Variants in SLC12A6 observed in about 807,000 individuals in gnomAD.
SLC12A6 encodes K-Cl cotransporter 3.
A neutral mutation model predicts 135.3 loss-of-function variants in SLC12A6; 66 were observed. That is an observed-to-expected ratio of 0.49 (90% confidence interval 0.40 to 0.60). The LOEUF is 0.60. Among genes scored for constraint, SLC12A6 ranks in the 20% least tolerant of loss-of-function variants. The probability of loss-of-function intolerance (pLI) is 0.00; values close to 1 mark genes in which losing one functional copy is unlikely to be tolerated. For missense variants in SLC12A6, 1,058 were observed against 1,452.3 expected, an observed-to-expected ratio of 0.73 and a Z score of 4.41; for synonymous variants, 513 against 508.8, an observed-to-expected ratio of 1.01 and a Z score of -0.11.
At chr15:34,284,256 A>ATTACT (rs1248328322) in intron 2 of SLC12A6, among the ~76,000 whole-genome samples, 1 of 130,348 alleles carries the variant, frequency 7.7e-6, no homozygotes, top group African/African-American at 2.9e-5. Context: ...TAATGTCCAT[A>ATTACT]TTACTTTCTT....
intron 3 of SLC12A6, among the ~76,000 whole-genome samples, chr15:34,262,188 C>A (rs937741160): frequency 3.9e-5 from 6 of 152,158 alleles, no homozygotes; most frequent in African/African-American, 1.4e-4. Context: ...AATTGATTCT[C>A]CACTCTTTAC....
rs563867664 is a variant in SLC12A6 at position 34,320,638 on chromosome 15, T to C, written c.271+15772A>G. Among the ~76,000 whole-genome samples the C allele has an allele frequency of 4.0e-5, 6 of 150,300 alleles. No individual in the cohort carries two copies. The East Asian group carries it at 9.8e-4, about 24-fold the overall frequency. The stretch of plus-strand genomic sequence containing the variant: ...TTTTTTTTTAAAGAAAAAGCTAGGC[T>C]GGGTGAGGTGGCTCATGCCTGTAAT... On this transcript the variant is annotated intron_variant, in intron 2 of 25. Transcript: ENST00000354181.
At chr15:34,334,713 T>C (rs1478055673) in intron 2 of SLC12A6, among the ~76,000 whole-genome samples, 1 of 152,216 alleles carries the variant, frequency 6.6e-6, no homozygotes, top group African/African-American at 2.4e-5. Context: ...GAATGTGTTA[T>C]ATAGAGAACC....
intron 2 of SLC12A6, among the ~76,000 whole-genome samples, chr15:34,291,675 T>C: frequency 6.6e-6 from 1 of 152,266 alleles, no homozygotes; most frequent in East Asian, 1.9e-4. Context: ...GAGGCTCTGT[T>C]CATTTCTTTT....
chr15:34,317,383 G>A (rs1888722995), intron 2 of SLC12A6, among the ~76,000 whole-genome samples: 1 of 152,192 alleles, frequency 6.6e-6, no homozygotes, highest in Non-Finnish European at 1.5e-5. Context: ...ATAAAGGAAA[G>A]TGAGAATCAC....
rs916571899 is a variant in SLC12A6, at chr15:34,257,714, TA to T, written c.617del (p.Leu206TyrfsTer28). On this transcript the variant is annotated frameshift_variant, in exon 6 of 26. Transcript: ENST00000354181. LOFTEE classifies it high-confidence loss of function. The stretch of plus-strand genomic sequence containing the variant: ...CTGTGCCCACCACCCATGTAAGGCG[TA>T]AAAAAAGGATCACTCCAAAAATATT... ...LQNIFGVILF[L>X]RLTWVVGTAG... 3.1e-6 allele frequency: 5 copies of T among 1,610,500 alleles called. No individual in the cohort carries two copies. Among genetic ancestry groups the T allele is most frequent in the African/African-American group, 2.7e-5 (2 of 74,724 alleles).
At position 34,310,569 on chromosome 15, in the gene SLC12A6, GTA is replaced by G. The variant is rs1209055148; in HGVS notation, c.271+25839_271+25840del. 1.0e-2 allele frequency among the ~76,000 whole-genome samples: 692 copies of G among 69,352 alleles called. 119 individuals carry two copies. The highest frequency in any genetic ancestry group is 0.051 in the African/African-American group (560 of 10,900). The allele number at this position is 69,352 out of a possible 152,430, so 45.5% of individuals were successfully genotyped here. Reference sequence around the variant, plus strand: ...CAACTGTGTGTGTGTGTGTGTGTGTGTATGTGTGTGTGTGTGTGTGTGTCCCC... The same window carrying G: ...CAACTGTGTGTGTGTGTGTGTGTGTGTGTGTGTGTGTGTGTGTGTGTCCCC... On this transcript the variant is annotated intron_variant, in intron 2 of 25. Transcript: ENST00000354181.
Position 34,243,996 on chromosome 15 carries a change from G to A in SLC12A6, c.2020C>T (p.Pro674Ser). The change falls in exon 16 of 26, where the codon CCC becomes TCC. Residue 674 changes from proline (P) to serine (S), a missense_variant. Physicochemically the swap from Pro to Ser is moderately conservative, Grantham distance 74. Around this residue, in one of 6 missense-constraint regions of SLC12A6, gnomAD observed 170 missense variants for 297.6 expected, o/e 0.57. Coordinates refer to ENST00000354181, the MANE Select transcript of SLC12A6 (RefSeq NM_001365088.1). ...TACCAATGGTAGTAGCGGAATCGGG[G>A]TCTCCAGTTGGGTGTTCGAAGTAAT... The part of the protein sequence containing the change: ...QTLLRTPNWR[P>S]RFRYYHWALS... The A allele has an allele frequency of 1.9e-6, 3 of 1,599,458 alleles. No individual in the cohort carries two copies. The highest frequency in any genetic ancestry group is 2.6e-6 in the Non-Finnish European group (3 of 1,166,554).
intron 2 of SLC12A6, among the ~76,000 whole-genome samples, chr15:34,308,660 G>T (rs1340588062): frequency 7.3e-6 from 1 of 137,774 alleles, no homozygotes. Context: ...AAACAAACCA[G>T]ATTGTTGGAT....
At chr15:34,283,651 T>TA (rs1444795369) in intron 2 of SLC12A6, among the ~76,000 whole-genome samples, 2 of 151,986 alleles carry the variant, frequency 1.3e-5, no homozygotes, top group Non-Finnish European at 2.9e-5. Context: ...GTTTTTTTTT[T>TA]AAAGAGGGTA....
chr15:34,262,550 C>T (rs186558876), intron 3 of SLC12A6, among the ~76,000 whole-genome samples: 59 of 152,296 alleles, frequency 3.9e-4, no homozygotes, highest in Admixed American at 8.5e-4. Context: ...AGCTACCCCA[C>T]GCGACGGGAA....
At chr15:34,242,967 C>T (rs1891746971) in intron 16 of SLC12A6, among the ~76,000 whole-genome samples, 1 of 152,144 alleles carries the variant, frequency 6.6e-6, no homozygotes, top group Non-Finnish European at 1.5e-5. Context: ...GATCTCAGCT[C>T]ACTGCAACCT....
chr15:34,259,877 G>A (rs1446516337), intron 4 of SLC12A6, among the ~76,000 whole-genome samples: 2 of 152,134 alleles, frequency 1.3e-5, no homozygotes, highest in African/African-American at 4.8e-5. Context: ...ACTTACATGT[G>A]GGATCTAAAA....
chr15:34,293,762 G>A (rs905981349), intron 2 of SLC12A6, among the ~76,000 whole-genome samples: 2 of 151,946 alleles, frequency 1.3e-5, no homozygotes, highest in African/African-American at 4.8e-5. Flanking sequence ...GTCACACCTT[G>A]CTAATTAAAA....
intron 2 of SLC12A6, among the ~76,000 whole-genome samples, chr15:34,325,316 A>T (rs75871767): frequency 0.013 from 1,963 of 152,344 alleles, 36 homozygotes; most frequent in African/African-American, 0.044. Context: ...AATATAAAAA[A>T]GATCACAAAT....
intron 2 of SLC12A6, among the ~76,000 whole-genome samples, chr15:34,276,422 A>G (rs1894301258): frequency 6.6e-6 from 1 of 152,218 alleles, no homozygotes; most frequent in South Asian, 2.1e-4. Context: ...ATTCGTGGCA[A>G]TAAGCCAAGT....
intron 2 of SLC12A6, among the ~76,000 whole-genome samples, chr15:34,293,343 T>A: frequency 6.6e-6 from 1 of 152,180 alleles, no homozygotes; most frequent in East Asian, 1.9e-4. Context: ...CTCACTCTGT[T>A]GCCCAGGCTG....
chr15:34,247,511 C>T (rs1162983930), intron 13 of SLC12A6, among the ~76,000 whole-genome samples: 7 of 151,472 alleles, frequency 4.6e-5, no homozygotes, highest in Non-Finnish European at 1.5e-5. Context: ...AGCGAGACTC[C>T]ATCTAGGGGA....
At chr15:34,310,286 A>C (rs1330860044) in intron 2 of SLC12A6, among the ~76,000 whole-genome samples, 2 of 98,460 alleles carry the variant, frequency 2.0e-5, no homozygotes, top group African/African-American at 9.4e-5. Context: ...GCTGGTGTTG[A>C]ACTCCTGGGC....
Sources: gnomAD v4.1 joint callset for allele counts (sites outside exome capture counted in the v4.1 genomes callset) on GRCh38, gnomAD v4.1.1 for gene constraint, gnomAD v4.1.1 regional missense constraint, MANE v1.5 for transcripts, NCBI Gene and HGNC (gene_info 2026-07-23, HGNC 2026-07-21) for gene names.